Variants in GAB3 observed in about 807,000 individuals in gnomAD.
GAB3 encodes the protein GRB2 associated binding protein 3.
A neutral mutation model predicts 40.4 loss-of-function variants in GAB3; 12 were observed. The observed-to-expected ratio is 0.30, with a 90% CI of 0.19 to 0.48. The LOEUF (loss-of-function observed/expected upper bound fraction) is 0.48, where lower values mean the gene tolerates loss of function less well. GAB3 is among the 20% of genes least tolerant of loss of function. GAB3 has a pLI of 0.99. For synonymous variants in GAB3, 154 were observed against 176.7 expected, an observed-to-expected ratio of 0.87 and a Z score of 1.02; for missense variants, 381 against 461.9, an observed-to-expected ratio of 0.82 and a Z score of 1.61.
intron 9 of GAB3, 71 bp downstream of exon 9, chrX:154,680,061 G>T: frequency 1.4e-6 from 1 of 717,108 alleles, no homozygotes; most frequent in Non-Finnish European, 2.2e-6. Flanking sequence ...AATATGCATG[G>T]TTTGATAATC....
upstream of GAB3, among the ~76,000 whole-genome samples, chrX:154,751,289 G>A (rs1473275617): frequency 1.1e-5 from 1 of 91,344 alleles, no homozygotes; most frequent in Non-Finnish European, 2.1e-5. Flanking sequence ...GTGCCCGGGG[G>A]GGGGGTGTGG....
chrX:154,714,698 A>T (rs1220744396), intron 2 of GAB3, among the ~76,000 whole-genome samples: 1 of 112,172 alleles, frequency 8.9e-6, no homozygotes, highest in African/African-American at 3.2e-5. Context: ...ATTGGGAAAC[A>T]TATTATATAT....
At chrX:154,751,165 G>A, upstream of GAB3, 1 of 514,913 alleles carries the variant, frequency 1.9e-6, no homozygotes, top group Non-Finnish European at 2.4e-6. Flanking sequence ...CCCGCCTCCG[G>A]CCGCCGCGGC....
intron 1 of GAB3, among the ~76,000 whole-genome samples, chrX:154,748,830 C>G (rs979647173): frequency 1.8e-5 from 2 of 112,144 alleles, no homozygotes; most frequent in African/African-American, 6.5e-5. Context: ...GCTCCGTTAA[C>G]GGGAGGGAGT....
intron 6 of GAB3, 49 bp from the exon 7 acceptor site, chrX:154,697,262 A>T: frequency 1.1e-6 from 1 of 870,469 alleles, no homozygotes; most frequent in East Asian, 3.4e-5. Flanking sequence ...GAGTCTAAAG[A>T]CTGTAAAACT....
chrX:154,692,278 C>T (rs1557249621), intron 8 of GAB3, among the ~76,000 whole-genome samples: 1 of 111,716 alleles, frequency 9.0e-6, no homozygotes, highest in Non-Finnish European at 1.9e-5. Flanking sequence ...AAGGGGTTAA[C>T]ATCCAGAATA....
Position 154,751,000 on chromosome X carries a change from G to C in GAB3, c.26C>G (p.Thr9Ser), listed in dbSNP as rs2071606787. The C allele has an allele frequency of 4.8e-6, 4 of 827,530 alleles. No homozygotes were observed. The highest frequency in any genetic ancestry group is 5.9e-6 in the Non-Finnish European group (4 of 678,337). 68.2% of individuals were successfully genotyped at this position (827,530 alleles called of 1,213,427 possible). A position where few individuals can be genotyped will look rare whatever the true frequency, so the allele number is the denominator to read the frequency against. The change falls in exon 1 of 10, where the codon ACC becomes AGC. Residue 9 changes from threonine (T) to serine (S), a missense_variant. Physicochemically the swap from Thr to Ser is moderately conservative, Grantham distance 58. Transcript: ENST00000424127. MSAGDAVCTGWLVKSPPER... is the reference protein window; with the variant it reads MSAGDAVCSGWLVKSPPER... ...GGGGGGCGACTTAACGAGCCAGCCG[G>C]TGCACACTGCGTCGCCCGCACTCAT...
In GAB3 at chrX:154,695,989, T is replaced by C; in HGVS notation, c.1458A>G (p.Arg486=). The C allele has an allele frequency of 8.4e-7, 1 of 1,193,521 alleles. No homozygotes were observed. Among genetic ancestry groups the C allele is most frequent in the Non-Finnish European group, 1.1e-6 (1 of 880,180 alleles). The change falls in exon 8 of 10, where the codon AGA becomes AGG. Residue 486 remains arginine (R), a synonymous_variant. Transcript: ENST00000424127. ...AAAATCTTGCAGAATTAATACCATT[T>C]CTTTCTGGAGAGAGAAAGCTGGTTC... is the stretch of plus-strand genomic sequence containing the variant. ...CSRTSFLSPE[R]NGINSARFFA...
chrX:154,730,557 C>T (rs1557259872), intron 1 of GAB3, among the ~76,000 whole-genome samples: 3 of 112,128 alleles, frequency 2.7e-5, no homozygotes. Context: ...AGTAGCTACA[C>T]CTTGAACGCA....
chrX:154,709,360 GC>G (rs1266412301), intron 4 of GAB3, among the ~76,000 whole-genome samples: 1 of 101,648 alleles, frequency 9.8e-6, no homozygotes, highest in Non-Finnish European at 2.0e-5. Flanking sequence ...TTGCTCTGTC[GC>G]CCAGACTGGA....
rs368087161 is a variant in GAB3, at chrX:154,739,779, C to G, written c.72+11175G>C. On this transcript the variant is annotated intron_variant, in intron 1 of 9. Coordinates refer to ENST00000424127, the MANE Select transcript of GAB3 (RefSeq NM_001081573.3). ...CATGACTGCATTACCTATTTGGTAGCAATTTTTAAAACTAAGTCAAAAGTA... is the reference window on the plus strand; with the variant it reads ...CATGACTGCATTACCTATTTGGTAGGAATTTTTAAAACTAAGTCAAAAGTA... Among the ~76,000 whole-genome samples the G allele has an allele frequency of 7.2e-5, 8 of 111,707 alleles. No homozygotes were observed. In the East Asian group the frequency reaches 1.4e-3, roughly 19 times the overall value.
chrX:154,712,093 T>C, intron 4 of GAB3, 136 bp downstream of exon 4: 3 of 461,847 alleles, frequency 6.5e-6, no homozygotes, highest in Non-Finnish European at 1.1e-5. Flanking sequence ...TGTGGCTTTT[T>C]ACCAAGCTGC....
chrX:154,731,382 G>A (rs942931774), intron 1 of GAB3, among the ~76,000 whole-genome samples: 14 of 111,763 alleles, frequency 1.3e-4, no homozygotes, highest in Non-Finnish European at 2.3e-4. Flanking sequence ...AGGAAGTGAC[G>A]GCGCAGCTGA....
At chrX:154,750,921 G>A (rs1484114761) in intron 1 of GAB3, 33 bp downstream of exon 1, 10 of 768,113 alleles carry the variant, frequency 1.3e-5, no homozygotes, top group Non-Finnish European at 1.4e-5. Context: ...CCCGGGACGC[G>A]AAGGCCGGGC....
Position 154,678,044 on chromosome X carries a change from C to T in GAB3, c.*134G>A, listed in dbSNP as rs2070319958. On this transcript the variant is annotated 3_prime_UTR_variant, in exon 10 of 10. Coordinates refer to ENST00000424127, the MANE Select transcript of GAB3 (RefSeq NM_001081573.3). ...AAGGTTCTGGCCAAGACCTTGAAAA[C>T]TACACATTCTCTCTTGGTTTTGACC... The T allele has an allele frequency of 1.4e-5, 6 of 437,023 alleles. No individual in the cohort carries two copies. The South Asian group carries it at 1.8e-4, about 13-fold the overall frequency. 36.0% of individuals were successfully genotyped at this position (437,023 alleles called of 1,213,427 possible).
intron 4 of GAB3, among the ~76,000 whole-genome samples, chrX:154,705,487 A>T (rs1557253342): frequency 8.9e-6 from 1 of 112,122 alleles, no homozygotes; most frequent in African/African-American, 3.2e-5. Flanking sequence ...GATAAAAACC[A>T]TATGATCATC....
chrX:154,708,942 A>AAC (rs1557254508), intron 4 of GAB3, among the ~76,000 whole-genome samples: 1 of 111,955 alleles, frequency 8.9e-6, no homozygotes, highest in African/African-American at 3.3e-5. Flanking sequence ...CAATAGCCAC[A>AAC]ACATGTGATA....
chrX:154,683,768 A>T (rs1172225304), intron 8 of GAB3, among the ~76,000 whole-genome samples: 2 of 111,090 alleles, frequency 1.8e-5, no homozygotes, highest in African/African-American at 6.6e-5. Context: ...CCTGCATTCT[A>T]GTTTCCAATA....
intron 4 of GAB3, among the ~76,000 whole-genome samples, chrX:154,709,700 G>C (rs1234571668): frequency 1.8e-5 from 2 of 110,787 alleles, no homozygotes; most frequent in African/African-American, 6.6e-5. Context: ...TGGATGAATG[G>C]ATAAAGGATA....
Sources: gnomAD v4.1 joint callset for allele counts (sites outside exome capture counted in the v4.1 genomes callset) on GRCh38, gnomAD v4.1.1 for gene constraint, MANE v1.5 for transcripts, NCBI Gene and HGNC (gene_info 2026-07-23, HGNC 2026-07-21) for gene names.